The following PSMD1 variants were observed in gnomAD, a reference collection of about 807,000 sequenced individuals.
The protein encoded by PSMD1 is proteasome 26S subunit, non-ATPase 1.
Under a neutral mutation model 119.0 loss-of-function variants are expected in PSMD1, and 18 were observed. The ratio of observed to expected loss-of-function variants is 0.15; its 90% CI spans 0.10 to 0.22. PSMD1 has a LOEUF of 0.22. Ranked by LOEUF, PSMD1 falls within the 10% of genes least tolerant of loss-of-function variation. The pLI is 1.00. For missense variants in PSMD1, 702 were observed against 1,158.5 expected, an observed-to-expected ratio of 0.61 and a Z score of 5.72; for synonymous variants, 374 against 396.6, an observed-to-expected ratio of 0.94 and a Z score of 0.68.
intron 1 of PSMD1, among the ~76,000 whole-genome samples, chr2:231,059,994 C>A (rs1053951372): frequency 1.3e-5 from 2 of 152,198 alleles, no homozygotes; most frequent in Non-Finnish European, 2.9e-5. Flanking sequence ...AAATCCATCT[C>A]CCTTTTTGGT....
At chr2:231,103,614 C>T (rs568599792) in intron 16 of PSMD1, among the ~76,000 whole-genome samples, 2 of 152,110 alleles carry the variant, frequency 1.3e-5, no homozygotes, top group Non-Finnish European at 2.9e-5. Context: ...CATTTACATT[C>T]TTTTTGTACT....
At chr2:231,157,869 A>G (rs887625285) in intron 19 of PSMD1, among the ~76,000 whole-genome samples, 1 of 151,906 alleles carries the variant, frequency 6.6e-6, no homozygotes, top group African/African-American at 2.4e-5. Flanking sequence ...ACCTGGCCCT[A>G]CATAAAAGTT....
At chr2:231,122,037 G>A (rs976188976) in intron 16 of PSMD1, among the ~76,000 whole-genome samples, 1 of 151,998 alleles carries the variant, frequency 6.6e-6, no homozygotes, top group Non-Finnish European at 1.5e-5. Context: ...TTCAGAATTA[G>A]GGTTATGTTC....
chr2:231,151,441 T>C (rs1696373978), intron 18 of PSMD1, among the ~76,000 whole-genome samples: 7 of 152,168 alleles, frequency 4.6e-5, no homozygotes, highest in Admixed American at 4.6e-4. Flanking sequence ...AAGTTACTGA[T>C]ACATAAGAAA....
chr2:231,096,119 C>G (rs969166224), intron 16 of PSMD1, among the ~76,000 whole-genome samples: 5 of 152,276 alleles, frequency 3.3e-5, no homozygotes, highest in Admixed American at 2.0e-4. Flanking sequence ...AATGCTTTTT[C>G]TTATCTCTTT....
intron 18 of PSMD1, among the ~76,000 whole-genome samples, chr2:231,149,274 G>GGT (rs528920342): frequency 9.2e-5 from 14 of 152,006 alleles, no homozygotes; most frequent in South Asian, 2.1e-4. Flanking sequence ...ATTTAACAAG[G>GGT]GTAATGTTCT....
intron 15 of PSMD1, 89 bp downstream of exon 15, chr2:231,085,203 C>T (rs377426433): frequency 1.3e-5 from 14 of 1,040,462 alleles, no homozygotes; most frequent in African/African-American, 3.2e-5. Flanking sequence ...GCATCCACAG[C>T]GCATGACCAC....
chr2:231,065,106 A>G (rs1693869743), intron 4 of PSMD1, among the ~76,000 whole-genome samples: 1 of 148,898 alleles, frequency 6.7e-6, no homozygotes, highest in Admixed American at 6.8e-5. Flanking sequence ...ACAATCATTT[A>G]TGCTAGTTAA....
rs114098165 is a variant in PSMD1 at position 231,087,089 on chromosome 2, T to A, written c.1819-28T>A. Reference sequence around the variant, plus strand: ...TGGTCTAGTGGTAGACTACATAGTATAATATAATCTTAAACTTTTCCCCCT... The same window carrying A: ...TGGTCTAGTGGTAGACTACATAGTAAAATATAATCTTAAACTTTTCCCCCT... On this transcript the variant is annotated intron_variant, in intron 15 of 24. Transcript: ENST00000308696. 4.4e-6 allele frequency: 7 copies of A among 1,599,006 alleles called. No homozygotes were observed. The African/African-American group carries it at 9.4e-5, about 21-fold the overall frequency.
At chr2:231,122,077 T>G (rs1200869085) in intron 16 of PSMD1, among the ~76,000 whole-genome samples, 1 of 152,128 alleles carries the variant, frequency 6.6e-6, no homozygotes, top group Non-Finnish European at 1.5e-5. Flanking sequence ...TTAATTATTT[T>G]TCATGGTTTC....
At chr2:231,074,825 G>A (rs184408216) in intron 7 of PSMD1, among the ~76,000 whole-genome samples, 7 of 152,062 alleles carry the variant, frequency 4.6e-5, no homozygotes, top group Admixed American at 4.6e-4. Flanking sequence ...CAAAATAATG[G>A]CTTTTGTTTT....
chr2:231,067,938 T>C (rs958937532), intron 5 of PSMD1, among the ~76,000 whole-genome samples: 15 of 152,250 alleles, frequency 9.9e-5, no homozygotes, highest in African/African-American at 3.6e-4. Flanking sequence ...ATTATAGGCA[T>C]GAGCCACCAC....
At chr2:231,101,708 C>T (rs1385069133) in intron 16 of PSMD1, among the ~76,000 whole-genome samples, 1 of 152,196 alleles carries the variant, frequency 6.6e-6, no homozygotes, top group African/African-American at 2.4e-5. Context: ...CAACCACCAC[C>T]CTGATCAGTC....
At position 231,139,005 on chromosome 2, in the gene PSMD1, G is replaced by A. The variant is rs529990969; in HGVS notation, c.1998+155G>A. Reference sequence around the variant, plus strand: ...GCTTCCCAGTACTCCCTCATTCTGCGATGCTGGATTGCCCAAAGCTGCTTA... The same window carrying A: ...GCTTCCCAGTACTCCCTCATTCTGCAATGCTGGATTGCCCAAAGCTGCTTA... On this transcript the variant is annotated intron_variant, in intron 17 of 24. Transcript: ENST00000308696. 434 of 716,326 alleles carry A rather than the reference G, an allele frequency of 6.1e-4. 2 individuals carry two copies. The South Asian group carries it at 6.2e-3, about 10-fold the overall frequency. The allele number at this position is 716,326 out of a possible 1,614,324, so 44.4% of individuals were successfully genotyped here.
intron 23 of PSMD1, 80 bp downstream of exon 23, chr2:231,166,097 T>C (rs1696776635): frequency 7.5e-6 from 10 of 1,325,502 alleles, no homozygotes; most frequent in African/African-American, 1.5e-5. Context: ...TAGAGAATGA[T>C]AAATCTCCAA....
chr2:231,064,207 G>A (rs1031776304), intron 4 of PSMD1, among the ~76,000 whole-genome samples: 1 of 152,072 alleles, frequency 6.6e-6, no homozygotes, highest in African/African-American at 2.4e-5. Flanking sequence ...TAGTTTTGTA[G>A]GGCACATTTT....
chr2:231,061,315 G>T lies in PSMD1; in HGVS notation c.60+5G>T, dbSNP rs1433363688. On this transcript the variant is annotated splice_donor_5th_base_variant and intron_variant, in intron 2 of 24. Coordinates refer to ENST00000308696, the MANE Select transcript of PSMD1 (RefSeq NM_002807.4). ...GAAGATGAACCACAGCTTAAGGTAT[G>T]AATTGAAGAATAAGTAACTAGGCTT... 8 of 1,582,796 alleles carry T rather than the reference G, an allele frequency of 5.1e-6. No individual in the cohort carries two copies. The highest frequency in any genetic ancestry group is 2.2e-5 in the East Asian group (1 of 44,526).
chr2:231,074,917 C>T (rs111967862), intron 7 of PSMD1, among the ~76,000 whole-genome samples: 2,869 of 152,250 alleles, frequency 0.019, 97 homozygotes, highest in African/African-American at 0.065. Flanking sequence ...CAACCTCAAA[C>T]TCCTAGGCTC....
At chr2:231,083,462 T>TG (rs1350122387) in intron 13 of PSMD1, 105 bp from the exon 14 acceptor site, 2 of 1,192,212 alleles carry the variant, frequency 1.7e-6, no homozygotes, top group Non-Finnish European at 2.4e-6. Flanking sequence ...CAGAAGCTAA[T>TG]GATTTTTTTG....
Sources: gnomAD v4.1 joint callset for allele counts (sites outside exome capture counted in the v4.1 genomes callset) on GRCh38, gnomAD v4.1.1 for gene constraint, MANE v1.5 for transcripts, NCBI Gene and HGNC (gene_info 2026-07-23, HGNC 2026-07-21) for gene names.